Variants in CACNA2D1 observed in about 807,000 individuals in gnomAD.
CACNA2D1 encodes the protein calcium voltage-gated channel auxiliary subunit alpha2delta 1, also known as voltage-dependent calcium channel subunit alpha-2/delta-1.
Under a neutral mutation model 171.5 loss-of-function variants are expected in CACNA2D1, and 53 were observed. The observed-to-expected ratio is 0.31, with a 90% CI of 0.25 to 0.39. The LOEUF is 0.39. Ranked by LOEUF, CACNA2D1 falls within the 10% of genes least tolerant of loss-of-function variation. CACNA2D1 has a pLI of 1.00. For synonymous variants in CACNA2D1, 442 were observed against 443.1 expected, an observed-to-expected ratio of 1.00 and a Z score of 0.03; for missense variants, 903 against 1,299.8, an observed-to-expected ratio of 0.69 and a Z score of 4.69.
chr7:82,148,706 C>A (rs1028885623), intron 4 of CACNA2D1, among the ~76,000 whole-genome samples: 6 of 152,142 alleles, frequency 3.9e-5, no homozygotes, highest in African/African-American at 1.4e-4. Context: ...GGCACAATCT[C>A]GGCTCAGTGC....
At chr7:82,305,789 C>T (rs1417540060) in intron 3 of CACNA2D1, among the ~76,000 whole-genome samples, 2 of 151,700 alleles carry the variant, frequency 1.3e-5, no homozygotes, top group African/African-American at 4.8e-5. Context: ...CTATAGAGGG[C>T]AAAGGGAAGG....
rs139713574 is a variant in CACNA2D1, at chr7:82,182,300, A to C, written c.295-11691T>G. On this transcript the variant is annotated intron_variant, in intron 3 of 38. Coordinates refer to ENST00000356860, the MANE Select transcript of CACNA2D1 (RefSeq NM_000722.4). Reference sequence around the variant, plus strand: ...AATCTCTGTAGGAATTAGGTAAAAGAATTAAACTACACAACCACTTTAAAA... The same window carrying C: ...AATCTCTGTAGGAATTAGGTAAAAGCATTAAACTACACAACCACTTTAAAA... Among the ~76,000 whole-genome samples, 52 of 152,260 alleles carry C rather than the reference A, an allele frequency of 3.4e-4. 1 individual carries two copies. The East Asian group carries it at 9.7e-3, about 28-fold the overall frequency.
Position 82,231,412 on chromosome 7 carries a change from T to C in CACNA2D1, c.295-60803A>G, listed in dbSNP as rs185155148. On this transcript the variant is annotated intron_variant, in intron 3 of 38. Transcript: ENST00000356860. ...GGCAGCTTCCAGAGGCCTCAGAACA[T>C]TCACATTTGCAGCTGCATTAACTGT... Among the ~76,000 whole-genome samples the C allele has an allele frequency of 8.5e-5, 13 of 152,260 alleles. No individual in the cohort carries two copies. In the East Asian group the frequency reaches 2.5e-3, roughly 29 times the overall value.
intron 1 of CACNA2D1, among the ~76,000 whole-genome samples, chr7:82,399,242 C>T (rs1826076501): frequency 6.6e-6 from 1 of 152,118 alleles, no homozygotes; most frequent in Admixed American, 6.5e-5. Context: ...GAGCTCAAGA[C>T]CAGCCTGGTC....
At chr7:82,112,825 A>G (rs1293804692) in intron 6 of CACNA2D1, among the ~76,000 whole-genome samples, 1 of 152,164 alleles carries the variant, frequency 6.6e-6, no homozygotes, top group African/African-American at 2.4e-5. Flanking sequence ...TTCCTCTGCA[A>G]TTTTGACACT....
intron 3 of CACNA2D1, among the ~76,000 whole-genome samples, chr7:82,174,750 T>G (rs758547199): frequency 1.3e-5 from 2 of 152,104 alleles, no homozygotes; most frequent in Non-Finnish European, 2.9e-5. Context: ...AAAAATCATA[T>G]TTTAGTTGGG....
At chr7:82,406,103 C>T (rs1256131776) in intron 1 of CACNA2D1, among the ~76,000 whole-genome samples, 1 of 152,014 alleles carries the variant, frequency 6.6e-6, no homozygotes, top group Non-Finnish European at 1.5e-5. Context: ...AGTGTTCTCA[C>T]TGTTCAACTC....
chr7:82,353,432 C>A (rs1268996600), intron 1 of CACNA2D1, among the ~76,000 whole-genome samples: 2 of 152,026 alleles, frequency 1.3e-5, no homozygotes, highest in Non-Finnish European at 2.9e-5. Context: ...TTGGGGGAGG[C>A]TCAAGTATAA....
At chr7:81,969,261 G>A (rs1164498166) in intron 28 of CACNA2D1, among the ~76,000 whole-genome samples, 1 of 151,454 alleles carries the variant, frequency 6.6e-6, no homozygotes, top group East Asian at 1.9e-4. Context: ...CACAACATTT[G>A]TTAAAATATT....
intron 1 of CACNA2D1, among the ~76,000 whole-genome samples, chr7:82,400,842 C>T (rs1826314745): frequency 6.6e-6 from 1 of 151,416 alleles, no homozygotes; most frequent in Non-Finnish European, 1.5e-5. Context: ...CTACAATGAA[C>T]TCAAACAAAT....
At chr7:82,203,513 A>C (rs532136068) in intron 3 of CACNA2D1, among the ~76,000 whole-genome samples, 2 of 152,226 alleles carry the variant, frequency 1.3e-5, no homozygotes, top group South Asian at 4.1e-4. Context: ...GCAGATTTAG[A>C]AGTGGCAAAG....
At chr7:82,408,558 T>G (rs1827310955) in intron 1 of CACNA2D1, among the ~76,000 whole-genome samples, 1 of 152,138 alleles carries the variant, frequency 6.6e-6, no homozygotes, top group Non-Finnish European at 1.5e-5. Context: ...ATAATAAAGA[T>G]ACACTTAGCA....
At chr7:82,022,404 G>A (rs1230862201) in intron 12 of CACNA2D1, among the ~76,000 whole-genome samples, 1 of 151,832 alleles carries the variant, frequency 6.6e-6, no homozygotes, top group South Asian at 2.1e-4. Context: ...AAAAATTTAA[G>A]AAGCTGTTGA....
chr7:82,050,318 GA>G (rs1273123689), intron 10 of CACNA2D1: 3 of 405,742 alleles, frequency 7.4e-6, no homozygotes, highest in African/African-American at 6.0e-5. Context: ...ATAAAAGGCA[GA>G]AAAAATACAA....
intron 5 of CACNA2D1, among the ~76,000 whole-genome samples, chr7:82,122,896 G>A (rs954429953): frequency 9.9e-5 from 15 of 152,112 alleles, no homozygotes; most frequent in Admixed American, 3.9e-4. Context: ...GGGCAAATGA[G>A]GTTTAAAACA....
intron 4 of CACNA2D1, among the ~76,000 whole-genome samples, chr7:82,144,240 G>A (rs763179254): frequency 6.6e-6 from 1 of 151,802 alleles, no homozygotes; most frequent in Non-Finnish European, 1.5e-5. Flanking sequence ...CGATAGTACT[G>A]ATACTAATAC....
chr7:82,289,623 A>G (rs937517326), intron 3 of CACNA2D1, among the ~76,000 whole-genome samples: 1 of 152,228 alleles, frequency 6.6e-6, no homozygotes, highest in South Asian at 2.1e-4. Context: ...GAGGGAAAAA[A>G]CACCATTTAA....
At chr7:82,399,034 C>T (rs1238176349) in intron 1 of CACNA2D1, among the ~76,000 whole-genome samples, 1 of 152,044 alleles carries the variant, frequency 6.6e-6, no homozygotes, top group East Asian at 1.9e-4. Flanking sequence ...ATTTGAATCA[C>T]CAATTCAAAG....
chr7:81,977,464 A>C (rs1288247374), intron 24 of CACNA2D1, among the ~76,000 whole-genome samples: 2 of 152,096 alleles, frequency 1.3e-5, no homozygotes, highest in East Asian at 1.9e-4. Flanking sequence ...GATTTTTGAC[A>C]AACCTGACAA....
Sources: allele counts gnomAD v4.1 joint callset (sites outside exome capture counted in the v4.1 genomes callset), GRCh38; gene constraint gnomAD v4.1.1; transcripts MANE v1.5; gene names NCBI Gene and HGNC (gene_info 2026-07-23, HGNC 2026-07-21).